RGS12: variants seen among roughly 807,000 people sequenced by gnomAD.
The protein encoded by RGS12 is regulator of G-protein signaling 12.
Under a neutral mutation model 120.1 loss-of-function variants are expected in RGS12, and 66 were observed. The ratio of observed to expected loss-of-function variants is 0.55; its 90% CI spans 0.45 to 0.67. RGS12 has a LOEUF of 0.67. RGS12 is among the 30% of genes least tolerant of loss of function. The probability of loss-of-function intolerance (pLI) is 0.00; values close to 1 mark genes in which losing one functional copy is unlikely to be tolerated. For synonymous variants in RGS12, 827 were observed against 804.7 expected, an observed-to-expected ratio of 1.03 and a Z score of -0.47; for missense variants, 1,859 against 1,957.7, an observed-to-expected ratio of 0.95 and a Z score of 0.95.
At position 3,355,589 on chromosome 4, in the gene RGS12, G is replaced by A. The variant is rs541821334; in HGVS notation, c.1998+12536G>A. On this transcript the variant is annotated intron_variant, in intron 3 of 17. Coordinates refer to ENST00000336727, the MANE Select transcript of RGS12 (RefSeq NM_001394154.1). ...GTGGGCAGATCATTTGAGTTCAGGA[G>A]TTTGAGACCAGCCTGGACAACATGG... Among the ~76,000 whole-genome samples, 26 of 152,102 alleles carry A rather than the reference G, an allele frequency of 1.7e-4. 1 individual carries two copies. The highest frequency in any genetic ancestry group is 6.0e-4 in the African/African-American group (25 of 41,490).
chr4:3,309,696 C>T (rs1456715842), intron 1 of RGS12, among the ~76,000 whole-genome samples: 276 of 29,624 alleles, frequency 9.3e-3, no homozygotes, highest in African/African-American at 0.019. Flanking sequence ...GGGAACCGTG[C>T]AGGGGAGGAG....
upstream of RGS12, among the ~76,000 whole-genome samples, chr4:3,291,032 G>T (rs1253236037): frequency 1.3e-5 from 2 of 152,216 alleles, no homozygotes; most frequent in Non-Finnish European, 2.9e-5. Flanking sequence ...CTGGGCATGA[G>T]TTCTCTCACA....
At chr4:3,353,131 T>G (rs574690741) in intron 3 of RGS12, among the ~76,000 whole-genome samples, 1 of 152,188 alleles carries the variant, frequency 6.6e-6, no homozygotes, top group Non-Finnish European at 1.5e-5. Flanking sequence ...GTTAAAGGTA[T>G]AATGAGCCAC....
chr4:3,340,977 C>T (rs1053503500), intron 2 of RGS12, among the ~76,000 whole-genome samples: 9 of 152,030 alleles, frequency 5.9e-5, no homozygotes, highest in East Asian at 2.0e-4. Context: ...CTCTGCCTGC[C>T]GGCTGCCCTC....
rs1560645305 is a variant in RGS12 at position 3,309,360 on chromosome 4, CG to C, written c.-101-6709del. Among the ~76,000 whole-genome samples the C allele has an allele frequency of 2.2e-5, 3 of 133,822 alleles. No individual in the cohort carries two copies. In the East Asian group the frequency reaches 6.4e-4, roughly 29 times the overall value. 87.8% of individuals were successfully genotyped at this position (133,822 alleles called of 152,430 possible). On this transcript the variant is annotated intron_variant, in intron 1 of 17. Transcript: ENST00000336727. ...CTGGGATCCGGGAATGGCAGGTGTC[CG>C]CTGAGGGGAACCGTGCAGGGGAGGA...
chr4:3,415,971 C>T lies in RGS12; in HGVS notation c.2284-7C>T. On this transcript the variant is annotated splice_region_variant and splice_polypyrimidine_tract_variant and intron_variant, in intron 6 of 17. Transcript: ENST00000336727. ...TTGCCGGGCTGCTCAGGTGCCTTTC[C>T]TGTCAGCTTTCCTACAGGGCCCGGG... 3.1e-6 allele frequency: 5 copies of T among 1,603,900 alleles called. No homozygotes were observed. In the African/African-American group the frequency reaches 6.7e-5, roughly 21 times the overall value.
intron 3 of RGS12, among the ~76,000 whole-genome samples, chr4:3,377,909 A>G (rs994924324): frequency 6.6e-6 from 1 of 152,214 alleles, no homozygotes; most frequent in Admixed American, 6.5e-5. Flanking sequence ...GAGGCATGTT[A>G]TAGAAATTTT....
rs1169219657 is a variant in RGS12, at chr4:3,309,816, G to T, written c.-101-6254G>T. 1.0e-3 allele frequency among the ~76,000 whole-genome samples: 139 copies of T among 138,744 alleles called. 6 individuals carry two copies. Among genetic ancestry groups the T allele is most frequent in the Non-Finnish European group, 1.6e-3 (102 of 64,562 alleles). 91.0% of individuals were successfully genotyped at this position (138,744 alleles called of 152,430 possible). On this transcript the variant is annotated intron_variant, in intron 1 of 17. Coordinates refer to ENST00000336727, the MANE Select transcript of RGS12 (RefSeq NM_001394154.1). ...GGGGAACCGTGTTGAGGAGGAGCTG[G>T]GACTTGGGAATGGCAGGTGTCTGCT...
At chr4:3,395,236 G>A (rs11732375) in intron 4 of RGS12, among the ~76,000 whole-genome samples, 32,039 of 151,674 alleles carry the variant, frequency 0.21, 3,819 homozygotes, top group South Asian at 0.39. Flanking sequence ...TCAACGCAGC[G>A]TATGCTGTTT....
chr4:3,436,609 G>A (rs1015900673), intron 17 of RGS12, among the ~76,000 whole-genome samples: 3 of 152,204 alleles, frequency 2.0e-5, no homozygotes, highest in Non-Finnish European at 2.9e-5. Flanking sequence ...CCCTGCTCCC[G>A]CTGTGCCTGC....
chr4:3,434,246 G>A (rs1724601583), intron 17 of RGS12, among the ~76,000 whole-genome samples: 1 of 152,120 alleles, frequency 6.6e-6, no homozygotes, highest in Non-Finnish European at 1.5e-5. Context: ...AAAACCATCA[G>A]CTCTCCTGAG....
intron 17 of RGS12, among the ~76,000 whole-genome samples, chr4:3,438,106 C>T (rs969301991): frequency 6.6e-6 from 1 of 152,120 alleles, no homozygotes; most frequent in Non-Finnish European, 1.5e-5. Context: ...GTAGCAGGGA[C>T]CCCCTGTCCC....
At chr4:3,393,796 C>G (rs918424425) in intron 4 of RGS12, among the ~76,000 whole-genome samples, 1 of 152,162 alleles carries the variant, frequency 6.6e-6, no homozygotes, top group African/African-American at 2.4e-5. Context: ...TTTCACCTTA[C>G]TTGTGGGATG....
intron 1 of RGS12, among the ~76,000 whole-genome samples, chr4:3,298,514 C>T (rs895100915): frequency 1.3e-5 from 2 of 152,168 alleles, no homozygotes; most frequent in Non-Finnish European, 2.9e-5. Context: ...CCACAACTGG[C>T]AATTTTTACT....
At chr4:3,288,099 C>T (rs566905054), upstream of RGS12, among the ~76,000 whole-genome samples, 8 of 152,348 alleles carry the variant, frequency 5.3e-5, no homozygotes, top group African/African-American at 1.7e-4. This position sits in a 1 kb window ranked among gnomAD's most constrained non-coding sequence, Gnocchi z 5.2. Context: ...CCTGAGCCTG[C>T]GTGCTCGTTG....
intron 4 of RGS12, among the ~76,000 whole-genome samples, chr4:3,388,942 C>T (rs1045311214): frequency 4.6e-5 from 7 of 152,218 alleles, no homozygotes; most frequent in African/African-American, 1.4e-4. Flanking sequence ...GCTTGGGGAG[C>T]AATCTGCTCA....
At chr4:3,425,332 G>T in intron 13 of RGS12, 132 bp from the exon 14 acceptor site, 3 of 784,732 alleles carry the variant, frequency 3.8e-6, no homozygotes, top group Non-Finnish European at 6.7e-6. Flanking sequence ...AGTCAGGCAG[G>T]CCTCACCTCG....
chr4:3,427,986 G>C, intron 14 of RGS12, 104 bp from the exon 15 acceptor site: 1 of 1,101,928 alleles, frequency 9.1e-7, no homozygotes, highest in Non-Finnish European at 1.4e-6. Flanking sequence ...ATGCCTTGTG[G>C]CTTCTCTACA....
intron 5 of RGS12, 107 bp from the exon 6 acceptor site, chr4:3,414,645 G>A: frequency 1.2e-6 from 1 of 806,680 alleles, no homozygotes; most frequent in Non-Finnish European, 2.1e-6. Flanking sequence ...CAGGCCCTCG[G>A]GCAGCTCACT....
Sources: gnomAD v4.1 joint callset for allele counts (sites outside exome capture counted in the v4.1 genomes callset) on GRCh38, gnomAD v4.1.1 for gene constraint, Gnocchi (gnomAD v3.1) non-coding constraint, MANE v1.5 for transcripts, NCBI Gene and HGNC (gene_info 2026-07-23, HGNC 2026-07-21) for gene names.